The following CPQ variants were observed in gnomAD, a reference collection of about 807,000 sequenced individuals.
The protein encoded by CPQ is Ser-Met dipeptidase.
In CPQ, 37 loss-of-function variants were observed where a neutral mutation model predicts 45.7. The observed-to-expected ratio is 0.81, with a 90% CI of 0.62 to 1.07. The LOEUF is 1.07. CPQ is among the 50% of genes least tolerant of loss of function. The pLI is 0.00. For synonymous variants in CPQ, 186 were observed against 205.8 expected (o/e 0.90, Z 0.82); for missense variants, 537 against 572.9 (o/e 0.94, Z 0.64).
At chr8:97,092,149 T>A (rs914488468) in intron 7 of CPQ, among the ~76,000 whole-genome samples, 8 of 152,164 alleles carry the variant, frequency 5.3e-5, no homozygotes, top group Admixed American at 2.6e-4. Context: ...TCTTGCTTCA[T>A]AGCTAAGGGG....
intron 7 of CPQ, among the ~76,000 whole-genome samples, chr8:97,123,086 AAAATAAAATAAAAT>A (rs1811766358): frequency 8.4e-6 from 1 of 119,310 alleles, no homozygotes; most frequent in South Asian, 2.5e-4. Context: ...TAAAATAAAT[AAAATAAAATAAAAT>A]AAATAAAATA....
rs114551405 is a variant in CPQ at position 96,889,019 on chromosome 8, G to A, written c.849+9014G>A. ...GTTGGTAGACTATTTTGCCTTTCTG[G>A]ATGTAAACATCAGCCTTTCCTGAAG... On this transcript the variant is annotated intron_variant, in intron 4 of 7. Coordinates refer to ENST00000220763, the MANE Select transcript of CPQ (RefSeq NM_016134.4). Among the ~76,000 whole-genome samples, 290 of 152,218 alleles carry A rather than the reference G, an allele frequency of 1.9e-3. 2 individuals carry two copies. Among genetic ancestry groups the A allele is most frequent in the African/African-American group, 6.6e-3 (273 of 41,522 alleles).
intron 1 of CPQ, among the ~76,000 whole-genome samples, chr8:96,689,484 A>G (rs1029326130): frequency 1.3e-5 from 2 of 152,172 alleles, no homozygotes; most frequent in Admixed American, 1.3e-4. Flanking sequence ...CCAGAGATTT[A>G]TCATGCATTT....
chr8:96,816,422 C>G (rs1025210672), intron 2 of CPQ, among the ~76,000 whole-genome samples: 2 of 152,152 alleles, frequency 1.3e-5, no homozygotes, highest in Non-Finnish European at 2.9e-5. Flanking sequence ...GCAGGTACTT[C>G]CTCCTCTGAA....
At chr8:96,649,187 G>A (rs983729217) in intron 1 of CPQ, among the ~76,000 whole-genome samples, 1 of 152,218 alleles carries the variant, frequency 6.6e-6, no homozygotes, top group African/African-American at 2.4e-5. Flanking sequence ...ATGTGGGCCA[G>A]GTTGATCTCG....
chr8:96,915,554 A>G (rs1347065358), intron 4 of CPQ, among the ~76,000 whole-genome samples: 1 of 152,166 alleles, frequency 6.6e-6, no homozygotes, highest in Non-Finnish European at 1.5e-5. Flanking sequence ...GGGTTTTTCC[A>G]TACTTATTTC....
intron 5 of CPQ, among the ~76,000 whole-genome samples, chr8:97,027,439 C>T (rs1232579646): frequency 6.6e-6 from 1 of 151,974 alleles, no homozygotes; most frequent in Non-Finnish European, 1.5e-5. Context: ...CATGCCAGCC[C>T]CAGGGTTGTC....
At chr8:97,123,129 A>AAAATAAAATAAAAT (rs1563587200) in intron 7 of CPQ, among the ~76,000 whole-genome samples, 17 of 98,032 alleles carry the variant, frequency 1.7e-4, no homozygotes, top group East Asian at 5.3e-4. Flanking sequence ...TAAAATAAAT[A>AAAATAAAATAAAAT]AAATAAAATA....
rs748404156 is a variant in CPQ, at chr8:96,889,785, GA to G, written c.849+9782del. On this transcript the variant is annotated intron_variant, in intron 4 of 7. Coordinates refer to ENST00000220763, the MANE Select transcript of CPQ (RefSeq NM_016134.4). ...TCGAGGGCAGGAAGCATCCAGTACA[GA>G]AGAAAGGTGGAGGTCAGAAGACTTA... Among the ~76,000 whole-genome samples the G allele has an allele frequency of 2.0e-5, 3 of 152,198 alleles. No individual in the cohort carries two copies. The South Asian group carries it at 6.2e-4, about 31-fold the overall frequency.
At chr8:96,708,433 G>GTATA (rs1196699228) in intron 1 of CPQ, among the ~76,000 whole-genome samples, 2 of 126,866 alleles carry the variant, frequency 1.6e-5, no homozygotes, top group African/African-American at 5.4e-5. Context: ...GTGTGTGTGT[G>GTATA]TGTGTATATA....
intron 5 of CPQ, among the ~76,000 whole-genome samples, chr8:96,994,865 C>T (rs1312957577): frequency 6.6e-6 from 1 of 152,008 alleles, no homozygotes; most frequent in African/African-American, 2.4e-5. Flanking sequence ...TCAAAAAACA[C>T]TTATTCAGGA....
intron 1 of CPQ, among the ~76,000 whole-genome samples, chr8:96,781,695 A>G (rs1359771279): frequency 6.6e-6 from 1 of 152,190 alleles, no homozygotes; most frequent in Non-Finnish European, 1.5e-5. Flanking sequence ...AAAAGTCCGA[A>G]GTCTTGTCTA....
chr8:96,766,065 T>A (rs958388099), intron 1 of CPQ, among the ~76,000 whole-genome samples: 1 of 152,142 alleles, frequency 6.6e-6, no homozygotes, highest in African/African-American at 2.4e-5. Context: ...GCGGGGGAAA[T>A]TGTCTCTTAC....
chr8:96,710,744 G>T (rs931174468), intron 1 of CPQ, among the ~76,000 whole-genome samples: 1 of 152,144 alleles, frequency 6.6e-6, no homozygotes, highest in Admixed American at 6.6e-5. Context: ...AAAACTTAAT[G>T]AGATTTGTTT....
At chr8:96,802,116 C>T (rs1811013898) in intron 2 of CPQ, among the ~76,000 whole-genome samples, 1 of 151,770 alleles carries the variant, frequency 6.6e-6, no homozygotes, top group Admixed American at 6.6e-5. Context: ...TTCTCTTTGT[C>T]TCTTTCTTTA....
intron 7 of CPQ, among the ~76,000 whole-genome samples, chr8:97,129,842 T>G (rs1277236117): frequency 2.0e-5 from 3 of 151,834 alleles, no homozygotes; most frequent in Non-Finnish European, 4.4e-5. Flanking sequence ...TGGTAAATTA[T>G]GCCCACCACT....
At chr8:97,065,822 G>A (rs898209981) in intron 6 of CPQ, among the ~76,000 whole-genome samples, 187 bp from the exon 7 acceptor site, 1 of 152,014 alleles carries the variant, frequency 6.6e-6, no homozygotes, top group African/African-American at 2.4e-5. Flanking sequence ...GCAAATCCTA[G>A]GCTGAGTAAT....
intron 5 of CPQ, among the ~76,000 whole-genome samples, chr8:96,978,889 G>A (rs1813833956): frequency 6.6e-6 from 1 of 152,086 alleles, no homozygotes; most frequent in Non-Finnish European, 1.5e-5. Context: ...GGCTCACAAG[G>A]AGACGTCTTA....
chr8:96,969,516 G>A (rs1241593911), intron 5 of CPQ, among the ~76,000 whole-genome samples: 4 of 152,202 alleles, frequency 2.6e-5, no homozygotes, highest in African/African-American at 9.7e-5. Flanking sequence ...TGGCTTGGCT[G>A]GGTCAGAGCA....
Sources: gnomAD v4.1 joint callset for allele counts (sites outside exome capture counted in the v4.1 genomes callset) on GRCh38, gnomAD v4.1.1 for gene constraint, MANE v1.5 for transcripts, NCBI Gene and HGNC (gene_info 2026-07-23, HGNC 2026-07-21) for gene names.